PCDH15: variants seen among roughly 807,000 people sequenced by gnomAD.
PCDH15 encodes protocadherin related 15.
A neutral mutation model predicts 178.5 loss-of-function variants in PCDH15; 129 were observed. The observed-to-expected ratio is 0.72, with a 90% CI of 0.63 to 0.84. PCDH15 has a LOEUF of 0.84. PCDH15 is among the 40% of genes least tolerant of loss of function. The pLI, the probability that PCDH15 is intolerant of heterozygous loss-of-function variation, is 0.00. For synonymous variants in PCDH15, 800 were observed against 732.0 expected (o/e 1.09, Z -1.50); for missense variants, 2,230 against 2,099.9 (o/e 1.06, Z -1.21).
At chr10:54,726,427 T>TGG (rs200617366) in intron 1 of PCDH15, among the ~76,000 whole-genome samples, 2,310 of 84,886 alleles carry the variant, frequency 0.027, 61 homozygotes, top group African/African-American at 0.1. Flanking sequence ...GGGGTGTGTG[T>TGG]GTGTGTGTGT....
At chr10:55,281,956 T>C (rs1054564746) in intron 1 of PCDH15, among the ~76,000 whole-genome samples, 41 of 152,182 alleles carry the variant, frequency 2.7e-4, no homozygotes, top group African/African-American at 9.6e-4. Flanking sequence ...ACAAACTCCT[T>C]AGTCTAAATT....
chr10:54,432,248 C>T (rs1430602046), intron 3 of PCDH15, among the ~76,000 whole-genome samples: 1 of 150,712 alleles, frequency 6.6e-6, no homozygotes, highest in Non-Finnish European at 1.5e-5. Context: ...CATAAAACAC[C>T]CAGAAGAACC....
At chr10:55,499,445 AC>A (rs1840606804) in intron 2 of PCDH15, among the ~76,000 whole-genome samples, 4 of 149,158 alleles carry the variant, frequency 2.7e-5, no homozygotes, top group African/African-American at 1.0e-4. Flanking sequence ...ACACACACAC[AC>A]ACACACAAAT....
intron 8 of PCDH15, among the ~76,000 whole-genome samples, chr10:54,298,359 G>A (rs183310202): frequency 2.6e-5 from 4 of 152,244 alleles, no homozygotes; most frequent in African/African-American, 7.2e-5. Flanking sequence ...CTATAATAGG[G>A]ACCAAGAGGA....
chr10:54,351,119 AAGAT>A (rs778352753), intron 5 of PCDH15, among the ~76,000 whole-genome samples: 4 of 152,054 alleles, frequency 2.6e-5, no homozygotes, highest in African/African-American at 7.2e-5. Context: ...AAAAAAAAAA[AAGAT>A]AGATAGATAG....
rs111874549 is a variant in PCDH15, at chr10:54,587,336, T to C, written c.92-59459A>G. 8.2e-3 allele frequency among the ~76,000 whole-genome samples: 1,249 copies of C among 152,270 alleles called. 11 individuals are homozygous for C. Among genetic ancestry groups the C allele is most frequent in the African/African-American group, 0.029 (1,199 of 41,562 alleles). ...TAAAAGTACAACATAAAGTAAAACG[T>C]TGAGTCCAGTGAAAATGGAGCTACA... On this transcript the variant is annotated intron_variant, in intron 2 of 37. Transcript: ENST00000644397.
At position 53,866,866 on chromosome 10, in the gene PCDH15, A is replaced by AG. The variant is rs750835578; in HGVS notation, c.3502-10dup. On this transcript the variant is annotated splice_polypyrimidine_tract_variant and intron_variant, in intron 26 of 37. Coordinates refer to ENST00000644397, the MANE Select transcript of PCDH15 (RefSeq NM_001384140.1). Reference sequence around the variant, plus strand: ...GTATCTTTATCAGTAGCCTAGACGGAGGGGAAAAAAAAAGAGATTATAATT... The same window carrying AG: ...GTATCTTTATCAGTAGCCTAGACGGAGGGGGAAAAAAAAAGAGATTATAATT... The AG allele has an allele frequency of 6.6e-5, 102 of 1,548,496 alleles. No homozygotes were observed. Among genetic ancestry groups the AG allele is most frequent in the Middle Eastern group, 5.1e-4 (3 of 5,938 alleles).
intron 10 of PCDH15, among the ~76,000 whole-genome samples, chr10:54,207,327 G>A (rs2384415): frequency 0.9 from 136,712 of 151,956 alleles, 61,659 homozygotes; most frequent in East Asian, 0.98. Context: ...AAAAACACAC[G>A]GTGTTCTTTC....
chr10:54,223,070 C>T (rs1252081389), intron 9 of PCDH15, among the ~76,000 whole-genome samples: 2 of 151,966 alleles, frequency 1.3e-5, no homozygotes, highest in Admixed American at 1.3e-4. Context: ...CCAGCACTTT[C>T]GAAGGCTGAG....
intron 2 of PCDH15, among the ~76,000 whole-genome samples, chr10:54,916,339 GAC>G (rs1954900682): frequency 6.6e-6 from 1 of 152,136 alleles, no homozygotes; most frequent in African/African-American, 2.4e-5. Flanking sequence ...ACAGAGTTTT[GAC>G]ACTATCAGCT....
rs1239099120 is a variant in PCDH15, at chr10:54,234,145, T to TGTGTGTGC, written c.985+2677_985+2678insGCACACAC. 8.0e-3 allele frequency among the ~76,000 whole-genome samples: 1,210 copies of TGTGTGTGC among 151,064 alleles called. 22 individuals carry two copies. Among genetic ancestry groups the TGTGTGTGC allele is most frequent in the African/African-American group, 0.028 (1,169 of 41,154 alleles). ...GGATATCCCCTTCTGTGTGTGTGTG[T>TGTGTGTGC]GTGTGTGTGTGTGTGTGTGTGTGTG... On this transcript the variant is annotated intron_variant, in intron 9 of 37. Transcript: ENST00000644397.
intron 8 of PCDH15, among the ~76,000 whole-genome samples, chr10:54,287,627 G>T (rs2059115195): frequency 6.6e-6 from 1 of 151,830 alleles, no homozygotes; most frequent in East Asian, 1.9e-4. Flanking sequence ...TTCGTTCTAA[G>T]GCTCTTTATG....
intron 18 of PCDH15, among the ~76,000 whole-genome samples, chr10:54,030,448 A>G (rs1333185862): frequency 6.6e-6 from 1 of 151,722 alleles, no homozygotes; most frequent in African/African-American, 2.4e-5. Flanking sequence ...AAGCAATTTA[A>G]AGACTCATAA....
intron 20 of PCDH15, among the ~76,000 whole-genome samples, chr10:54,017,756 T>G (rs368120819): frequency 1.3e-5 from 2 of 152,024 alleles, no homozygotes; most frequent in East Asian, 1.9e-4. Context: ...AATACACTTA[T>G]GTAACAAATG....
At chr10:54,606,499 TC>T (rs1239791285) in intron 2 of PCDH15, 2 of 152,132 alleles carry the variant, frequency 1.3e-5, no homozygotes, top group Non-Finnish European at 2.9e-5. Flanking sequence ...CAAAGATGCT[TC>T]TCTAGTTTGT....
chr10:54,338,125 A>G (rs572643121), intron 6 of PCDH15, among the ~76,000 whole-genome samples: 72 of 152,310 alleles, frequency 4.7e-4, no homozygotes, highest in African/African-American at 1.6e-3. Context: ...AGGAAACTGT[A>G]TTTGTGTTTG....
At chr10:55,395,538 T>C (rs1837907595) in intron 2 of PCDH15, among the ~76,000 whole-genome samples, 1 of 152,102 alleles carries the variant, frequency 6.6e-6, no homozygotes, top group African/African-American at 2.4e-5. Context: ...ACATTTTTTA[T>C]CTTAATTTTC....
chr10:54,242,758 A>G (rs2055543163), intron 8 of PCDH15, among the ~76,000 whole-genome samples: 1 of 152,158 alleles, frequency 6.6e-6, no homozygotes, highest in Admixed American at 6.5e-5. Flanking sequence ...TATACATAGT[A>G]GTATACTGAA....
intron 1 of PCDH15, among the ~76,000 whole-genome samples, chr10:54,710,157 C>T (rs1023878877): frequency 1.3e-5 from 2 of 151,854 alleles, no homozygotes; most frequent in Non-Finnish European, 2.9e-5. Context: ...TTTGAGTAAT[C>T]CTTCTTCCTC....
Sources: allele counts gnomAD v4.1 joint callset (sites outside exome capture counted in the v4.1 genomes callset), GRCh38; gene constraint gnomAD v4.1.1; transcripts MANE v1.5; gene names NCBI Gene and HGNC (gene_info 2026-07-23, HGNC 2026-07-21).